The following PHACTR1 variants were observed in gnomAD, a reference collection of about 807,000 sequenced individuals.
The protein encoded by PHACTR1 is RPEL repeat containing 1.
PHACTR1 carries 16 observed loss-of-function variants against 69.2 expected under a neutral mutation model. That is an observed-to-expected ratio of 0.23 (90% CI 0.16 to 0.35). PHACTR1 has a LOEUF of 0.35. Among genes scored for constraint, PHACTR1 ranks in the 10% least tolerant of loss-of-function variants. PHACTR1 has a pLI of 1.00. For synonymous variants in PHACTR1, 312 were observed against 284.5 expected (o/e 1.10, Z -0.97); for missense variants, 510 against 734.7 (o/e 0.69, Z 3.54).
intron 4 of PHACTR1, among the ~76,000 whole-genome samples, chr6:12,810,581 T>C (rs762080254): frequency 6.6e-6 from 1 of 152,144 alleles, no homozygotes; most frequent in African/African-American, 2.4e-5. Context: ...TCTCAGCAGC[T>C]GCAGGACAGG....
chr6:13,276,755 G>C (rs754166825), intron 11 of PHACTR1, among the ~76,000 whole-genome samples: 2 of 151,830 alleles, frequency 1.3e-5, no homozygotes, highest in African/African-American at 4.8e-5. Flanking sequence ...CTGGGCAACA[G>C]AGCAAGACTC....
At chr6:12,827,250 A>T (rs970594786) in intron 4 of PHACTR1, among the ~76,000 whole-genome samples, 3 of 152,192 alleles carry the variant, frequency 2.0e-5, no homozygotes, top group Admixed American at 2.0e-4. Context: ...TGAGAAGGCA[A>T]ATTCGCTCAA....
At chr6:13,166,463 G>C (rs1759827237) in intron 6 of PHACTR1, among the ~76,000 whole-genome samples, 1 of 152,144 alleles carries the variant, frequency 6.6e-6, no homozygotes, top group South Asian at 2.1e-4. Flanking sequence ...TTGATGTTCA[G>C]CAAATGCGAA....
intron 4 of PHACTR1, among the ~76,000 whole-genome samples, chr6:12,786,711 A>G (rs374734120): frequency 2.0e-5 from 3 of 152,366 alleles, no homozygotes; most frequent in African/African-American, 7.2e-5. Flanking sequence ...TTCAAGGTCC[A>G]TCATCATCAG....
chr6:12,826,882 T>C (rs556527039), intron 4 of PHACTR1, among the ~76,000 whole-genome samples: 1 of 152,232 alleles, frequency 6.6e-6, no homozygotes, highest in Non-Finnish European at 1.5e-5. Flanking sequence ...CCTGACTGAC[T>C]GTAGAAGGAC....
At chr6:13,224,296 G>A (rs1769203574) in intron 8 of PHACTR1, among the ~76,000 whole-genome samples, 1 of 152,228 alleles carries the variant, frequency 6.6e-6, no homozygotes, top group Non-Finnish European at 1.5e-5. Context: ...CACAGGCAAG[G>A]CACTGACTGA....
intron 8 of PHACTR1, among the ~76,000 whole-genome samples, chr6:13,225,832 T>C (rs1186764637): frequency 1.3e-5 from 2 of 152,174 alleles, no homozygotes; most frequent in Non-Finnish European, 2.9e-5. Flanking sequence ...ACATGAGCCA[T>C]GGAATTACAT....
chr6:12,977,818 T>G lies in PHACTR1; in HGVS notation c.251-75547T>G, dbSNP rs1026923911. On this transcript the variant is annotated intron_variant, in intron 4 of 14. Transcript: ENST00000332995. ...CTGTTTCTCTCAGCTTCTCTTCGCC[T>G]GATCTGTTCCAATGTCTTTGTCATT... 3.3e-5 allele frequency among the ~76,000 whole-genome samples: 5 copies of G among 152,334 alleles called. 1 individual carries two copies. In the South Asian group the frequency reaches 6.2e-4, roughly 19 times the overall value.
chr6:12,748,035 TGACTATTAGAAG>T (rs1254237805), intron 3 of PHACTR1, among the ~76,000 whole-genome samples: 1 of 152,188 alleles, frequency 6.6e-6, no homozygotes, highest in East Asian at 1.9e-4. Context: ...GAATTAGTTT[TGACTATTAGAAG>T]GACATGGATA....
rs577073698 is a variant in PHACTR1, at chr6:13,141,724, C to CTTTTT, written c.416-18465_416-18461dup. 3.1e-3 allele frequency among the ~76,000 whole-genome samples: 278 copies of CTTTTT among 89,132 alleles called. 1 individual carries two copies. The highest frequency in any genetic ancestry group is 4.4e-3 in the South Asian group (11 of 2,478). The allele number at this position is 89,132 out of a possible 152,430, so 58.5% of individuals were successfully genotyped here. A position where few individuals can be genotyped will look rare whatever the true frequency, so the allele number is the denominator to read the frequency against. On this transcript the variant is annotated intron_variant, in intron 5 of 14. Transcript: ENST00000332995. Reference sequence around the variant, plus strand: ...CCACACATGTTTAGATTTCTTCTTTCTTTTTTTTTTTTTTTTTTTGTTGTG... The same window carrying CTTTTT: ...CCACACATGTTTAGATTTCTTCTTTCTTTTTTTTTTTTTTTTTTTTTTTTGTTGTG...
intron 5 of PHACTR1, among the ~76,000 whole-genome samples, chr6:13,145,532 C>T (rs1257339647): frequency 6.6e-6 from 1 of 152,168 alleles, no homozygotes; most frequent in Non-Finnish European, 1.5e-5. Context: ...GTGCCCGCCC[C>T]ACCACCAAAT....
At chr6:12,937,617 A>G (rs1046938080) in intron 4 of PHACTR1, among the ~76,000 whole-genome samples, 2 of 152,192 alleles carry the variant, frequency 1.3e-5, no homozygotes, top group African/African-American at 2.4e-5. Context: ...GAAGAAAGAT[A>G]AAACAGGGGC....
intron 5 of PHACTR1, among the ~76,000 whole-genome samples, chr6:13,155,291 T>C (rs139883804): frequency 9.8e-5 from 15 of 152,314 alleles, no homozygotes; most frequent in Non-Finnish European, 1.9e-4. Context: ...ACCCTTTCCA[T>C]ATAGTATATA....
chr6:12,727,359 C>A (rs969083491), intron 3 of PHACTR1, among the ~76,000 whole-genome samples: 1 of 152,172 alleles, frequency 6.6e-6, no homozygotes, highest in Non-Finnish European at 1.5e-5. Flanking sequence ...CAGGACAATT[C>A]TCCGTAGGCA....
chr6:12,938,366 G>C (rs1271577013), intron 4 of PHACTR1, among the ~76,000 whole-genome samples: 1 of 151,990 alleles, frequency 6.6e-6, no homozygotes, highest in Non-Finnish European at 1.5e-5. Flanking sequence ...TCTTCTTTCT[G>C]CCCAGCCACC....
intron 7 of PHACTR1, among the ~76,000 whole-genome samples, chr6:13,187,881 AAAG>A (rs1279424739): frequency 2.4e-4 from 36 of 152,260 alleles, no homozygotes; most frequent in Admixed American, 2.0e-3. Flanking sequence ...GACATTGTAA[AAAG>A]AAGAGTCAGC....
intron 11 of PHACTR1, among the ~76,000 whole-genome samples, chr6:13,277,302 T>A (rs1032935646): frequency 1.3e-5 from 2 of 151,766 alleles, no homozygotes; most frequent in Non-Finnish European, 2.9e-5. Flanking sequence ...GGCTCTGCAG[T>A]CTACTCTTCT....
At chr6:12,957,030 T>C (rs1168878376) in intron 4 of PHACTR1, among the ~76,000 whole-genome samples, 3 of 140,218 alleles carry the variant, frequency 2.1e-5, no homozygotes, top group Admixed American at 7.3e-5. Flanking sequence ...TAATTGTCAT[T>C]GTGTCGCGTT....
intron 10 of PHACTR1, among the ~76,000 whole-genome samples, chr6:13,254,402 C>G (rs1774901778): frequency 6.6e-6 from 1 of 152,094 alleles, no homozygotes; most frequent in African/African-American, 2.4e-5. Flanking sequence ...GTATTGGGCC[C>G]AGTGTAACTC....
Sources: allele counts gnomAD v4.1 joint callset (sites outside exome capture counted in the v4.1 genomes callset), GRCh38; gene constraint gnomAD v4.1.1; transcripts MANE v1.5; gene names NCBI Gene and HGNC (gene_info 2026-07-23, HGNC 2026-07-21).